The following CNTN4 variants were observed in gnomAD, a reference collection of about 807,000 sequenced individuals.
The protein encoded by CNTN4 is contactin 4.
Under a neutral mutation model 122.5 loss-of-function variants are expected in CNTN4, and 77 were observed. The observed-to-expected ratio is 0.63, with a 90% confidence interval of 0.52 to 0.76. The LOEUF (loss-of-function observed/expected upper bound fraction) is 0.76. CNTN4 is among the 30% of genes least tolerant of loss of function. The probability of loss-of-function intolerance (pLI) is 0.00; values close to 1 mark genes in which losing one functional copy is unlikely to be tolerated. For missense variants in CNTN4, 1,256 were observed against 1,259.1 expected (o/e 1.00, Z 0.04); for synonymous variants, 512 against 447.0 (o/e 1.15, Z -1.83).
chr3:2,938,816 C>T (rs1029210657), intron 13 of CNTN4, among the ~76,000 whole-genome samples: 2 of 152,186 alleles, frequency 1.3e-5, no homozygotes, highest in Non-Finnish European at 2.9e-5. Flanking sequence ...CCTTGAACTA[C>T]CTCAGCCGTG....
At chr3:2,333,748 A>C (rs892669077) in intron 2 of CNTN4, among the ~76,000 whole-genome samples, 3 of 152,210 alleles carry the variant, frequency 2.0e-5, no homozygotes, top group African/African-American at 7.2e-5. Context: ...AATGCATTTA[A>C]ATGTAATCTG....
rs200848647 is a variant in CNTN4, at chr3:2,745,571, A to T, written c.232A>T (p.Ser78Cys). 5.6e-6 allele frequency: 9 copies of T among 1,614,078 alleles called. No individual in the cohort carries two copies. Among genetic ancestry groups the T allele is most frequent in the Non-Finnish European group, 6.8e-6 (8 of 1,180,012 alleles). Residue 78 changes from serine to cysteine, a missense_variant, in exon 6 of 25, where the codon AGT becomes TGT. Physicochemically the swap from Ser to Cys is moderately radical, Grantham distance 112 (BLOSUM62 -1). Transcript: ENST00000418658. Reference sequence around the variant, plus strand: ...TGACACTGGTATGGATTTCCGCTACAGTGTTGTTGAAGGGAGCTTGTTGAT... The same window carrying T: ...TGACACTGGTATGGATTTCCGCTACTGTGTTGTTGAAGGGAGCTTGTTGAT... ...DVDTGMDFRY[S>C]VVEGSLLINN... is the part of the protein sequence containing the mutation.
At chr3:2,293,875 C>T (rs2042216559) in intron 2 of CNTN4, among the ~76,000 whole-genome samples, 1 of 152,018 alleles carries the variant, frequency 6.6e-6, no homozygotes, top group African/African-American at 2.4e-5. Flanking sequence ...GTCACAAACC[C>T]CAAAACTCAG....
At chr3:3,000,056 T>G (rs1695885479) in intron 14 of CNTN4, among the ~76,000 whole-genome samples, 1 of 152,130 alleles carries the variant, frequency 6.6e-6, no homozygotes, top group Non-Finnish European at 1.5e-5. Context: ...ATCTTAATAG[T>G]GATAAAATAT....
chr3:2,240,759 A>T (rs975254954), intron 2 of CNTN4, among the ~76,000 whole-genome samples: 7 of 152,176 alleles, frequency 4.6e-5, no homozygotes, highest in African/African-American at 1.7e-4. Flanking sequence ...TTTAGTTTTG[A>T]ATACTAGATA....
intron 3 of CNTN4, among the ~76,000 whole-genome samples, chr3:2,538,852 C>T (rs748789375): frequency 2.4e-4 from 36 of 151,780 alleles, no homozygotes; most frequent in Non-Finnish European, 3.2e-4. Context: ...TATGCACACA[C>T]AGACACACAC....
At chr3:2,959,557 T>C (rs963977979) in intron 13 of CNTN4, among the ~76,000 whole-genome samples, 1 of 152,132 alleles carries the variant, frequency 6.6e-6, no homozygotes, top group African/African-American at 2.4e-5. Flanking sequence ...ACCATCTAAT[T>C]ATTATTTTAA....
At chr3:2,468,560 A>G (rs6799939) in intron 3 of CNTN4, among the ~76,000 whole-genome samples, 43,765 of 152,070 alleles carry the variant, frequency 0.29, 6,327 homozygotes, top group Middle Eastern at 0.35. Flanking sequence ...TACATCAGTC[A>G]GAATGTGTTA....
intron 2 of CNTN4, among the ~76,000 whole-genome samples, chr3:2,189,430 A>G (rs1471173137): frequency 6.6e-6 from 1 of 152,182 alleles, no homozygotes; most frequent in Non-Finnish European, 1.5e-5. Context: ...ACTCAGTGCA[A>G]TAACAGGCAC....
intron 2 of CNTN4, among the ~76,000 whole-genome samples, chr3:2,103,573 G>C (rs1020136976): frequency 2.6e-5 from 4 of 152,118 alleles, no homozygotes; most frequent in African/African-American, 9.7e-5. Context: ...CTTCTCAGCA[G>C]AAACAAATAT....
intron 12 of CNTN4, among the ~76,000 whole-genome samples, chr3:2,921,317 G>A (rs566967206): frequency 5.9e-5 from 9 of 152,278 alleles, no homozygotes; most frequent in South Asian, 2.1e-4. Flanking sequence ...GATTACAGGC[G>A]TGAGCCAACA....
At chr3:2,965,526 G>A (rs532580161) in intron 13 of CNTN4, among the ~76,000 whole-genome samples, 2 of 152,308 alleles carry the variant, frequency 1.3e-5, no homozygotes, top group African/African-American at 4.8e-5. Context: ...AGCCACATTT[G>A]CTTAGCCATC....
intron 7 of CNTN4, among the ~76,000 whole-genome samples, chr3:2,819,917 C>T (rs1462690992): frequency 6.6e-6 from 1 of 152,178 alleles, no homozygotes; most frequent in Non-Finnish European, 1.5e-5. Flanking sequence ...GGCCCTACTT[C>T]ATTTCATCTC....
chr3:2,699,094 G>C (rs1331530785), intron 4 of CNTN4, among the ~76,000 whole-genome samples: 1 of 152,054 alleles, frequency 6.6e-6, no homozygotes, highest in Non-Finnish European at 1.5e-5. Context: ...TTCTAATTGG[G>C]AGACTAGCTT....
intron 4 of CNTN4, among the ~76,000 whole-genome samples, chr3:2,618,190 A>C (rs1559310549): frequency 6.6e-6 from 1 of 152,268 alleles, no homozygotes; most frequent in South Asian, 2.1e-4. Context: ...GATGGAAAAC[A>C]GTTCTTAGAA....
chr3:2,909,843 A>G (rs1433152863), intron 12 of CNTN4, among the ~76,000 whole-genome samples: 1 of 152,194 alleles, frequency 6.6e-6, no homozygotes, highest in African/African-American at 2.4e-5. Flanking sequence ...TTATATTTCT[A>G]ACAAGTGATG....
At chr3:2,670,210 T>C (rs2084421761) in intron 4 of CNTN4, among the ~76,000 whole-genome samples, 1 of 152,210 alleles carries the variant, frequency 6.6e-6, no homozygotes, top group African/African-American at 2.4e-5. Context: ...TCTCCCATTA[T>C]TATTGTGTGG....
At chr3:2,797,561 G>A (rs4684356) in intron 6 of CNTN4, among the ~76,000 whole-genome samples, 7,185 of 152,228 alleles carry the variant, frequency 0.047, 233 homozygotes, top group Non-Finnish European at 0.07. Context: ...TCGCGCCACT[G>A]CACTCCAGCC....
rs538841091 is a variant in CNTN4 at position 2,273,849 on chromosome 3, ATCTATCTTAATG to A, written c.-144-65327_-144-65316del. On this transcript the variant is annotated intron_variant, in intron 2 of 24. Transcript: ENST00000418658. Reference sequence around the variant, plus strand: ...CTGAAAATAAAATAAGGATAATAATATCTATCTTAATGTATCTTTTTTTCTTATGAGGTATCT... The same window carrying A: ...CTGAAAATAAAATAAGGATAATAATATATCTTTTTTTCTTATGAGGTATCT... 8.5e-5 allele frequency among the ~76,000 whole-genome samples: 13 copies of A among 152,334 alleles called. No individual in the cohort carries two copies. The East Asian group carries it at 2.5e-3, about 29-fold the overall frequency.
Sources: gnomAD v4.1 joint callset for allele counts (sites outside exome capture counted in the v4.1 genomes callset) on GRCh38, gnomAD v4.1.1 for gene constraint, MANE v1.5 for transcripts, NCBI Gene and HGNC (gene_info 2026-07-23, HGNC 2026-07-21) for gene names.